The following TMEM165 variants were observed in gnomAD, a reference collection of about 807,000 sequenced individuals.
TMEM165 encodes putative divalent cation/proton antiporter TMEM165.
Under a neutral mutation model 30.0 loss-of-function variants are expected in TMEM165, and 19 were observed. The ratio of observed to expected loss-of-function variants is 0.63; its 90% CI spans 0.44 to 0.93. The LOEUF (loss-of-function observed/expected upper bound fraction) is 0.93, where lower values mean the gene tolerates loss of function less well. TMEM165 is among the 40% of genes least tolerant of loss of function. TMEM165 has a pLI of 0.00. For synonymous variants in TMEM165, 168 were observed against 162.9 expected, an observed-to-expected ratio of 1.03 and a Z score of -0.24; for missense variants, 340 against 417.0, an observed-to-expected ratio of 0.82 and a Z score of 1.61.
intron 3 of TMEM165, 68 bp from the exon 4 acceptor site, chr4:55,417,735 C>A: frequency 7.9e-7 from 1 of 1,273,502 alleles, no homozygotes; most frequent in South Asian, 1.6e-5. Flanking sequence ...TTAGAAAAGT[C>A]AAGTGATTTG....
chr4:55,405,022 C>G (rs563197940), intron 1 of TMEM165, among the ~76,000 whole-genome samples: 1 of 152,258 alleles, frequency 6.6e-6, no homozygotes, highest in African/African-American at 2.4e-5. Flanking sequence ...CTGCCTGGCT[C>G]GAAATATCTA....
chr4:55,406,819 C>T (rs1721289465), intron 1 of TMEM165, among the ~76,000 whole-genome samples: 1 of 151,854 alleles, frequency 6.6e-6, no homozygotes, highest in East Asian at 1.9e-4. Context: ...TGTGCCACCA[C>T]ACCCAGCTAC....
intron 2 of TMEM165, among the ~76,000 whole-genome samples, chr4:55,414,533 C>T (rs913952131): frequency 6.6e-6 from 1 of 152,024 alleles, no homozygotes; most frequent in African/African-American, 2.4e-5. Context: ...ATTTGTTGCA[C>T]TCATCAACCC....
chr4:55,406,366 C>T (rs576272418), intron 1 of TMEM165, among the ~76,000 whole-genome samples: 1 of 152,278 alleles, frequency 6.6e-6, no homozygotes, highest in East Asian at 1.9e-4. Context: ...GTCTCTTTTC[C>T]TTTTTTGTAT....
chr4:55,404,611 T>A (rs480531), intron 1 of TMEM165, among the ~76,000 whole-genome samples: 106,199 of 149,606 alleles, frequency 0.71, 39,918 homozygotes, highest in East Asian at 0.98. Context: ...ATTTTATTTT[T>A]TTTTTTTGTG....
intron 1 of TMEM165, among the ~76,000 whole-genome samples, chr4:55,409,313 A>G (rs1011106387): frequency 3.9e-5 from 6 of 152,186 alleles, no homozygotes; most frequent in African/African-American, 1.4e-4. Context: ...CATGCACACT[A>G]AGAATTTATG....
chr4:55,420,098 G>GAAAA (rs370641089), intron 4 of TMEM165, among the ~76,000 whole-genome samples: 82 of 43,640 alleles, frequency 1.9e-3, no homozygotes, highest in Middle Eastern at 0.017. Context: ...ACTATCTTAA[G>GAAAA]AAAAAAAAAT....
In TMEM165 at chr4:55,395,965, T is replaced by G; in HGVS notation, c.-225T>G. 1 of 370,370 alleles carries G rather than the reference T, an allele frequency of 2.7e-6. No individual in the cohort carries two copies. The highest frequency in any genetic ancestry group is 4.7e-6 in the Non-Finnish European group (1 of 211,798). The allele number at this position is 370,370 out of a possible 1,614,324, so 22.9% of individuals were successfully genotyped here. On this transcript the variant is annotated 5_prime_UTR_variant, in exon 1 of 6. Coordinates refer to ENST00000381334, the MANE Select transcript of TMEM165 (RefSeq NM_018475.5). ...CGCCGAGGCAGCTGGCTGACTCCAGTTTAGCCGCCGCCGGAGAGGACGGGC... is the reference window on the plus strand; with the variant it reads ...CGCCGAGGCAGCTGGCTGACTCCAGGTTAGCCGCCGCCGGAGAGGACGGGC...
intron 3 of TMEM165, chr4:55,435,506 T>C (rs774636052): frequency 1.9e-6 from 3 of 1,613,954 alleles, no homozygotes; most frequent in Admixed American, 3.3e-5. Flanking sequence ...TTGCTGGTGA[T>C]GTGACTGAGG....
chr4:55,430,506 CTG>C (rs1025917146), downstream of TMEM165: 79 of 152,298 alleles, frequency 5.2e-4, no homozygotes, highest in African/African-American at 1.9e-3. Flanking sequence ...TCCTGAATAA[CTG>C]TGCCAACAAA....
downstream of TMEM165, among the ~76,000 whole-genome samples, chr4:55,427,655 A>G (rs1029076441): frequency 2.6e-5 from 4 of 152,012 alleles, no homozygotes; most frequent in East Asian, 7.7e-4. Context: ...GTTTTTTCTA[A>G]TAACAACAGA....
exon 4 of TMEM165, chr4:55,453,098 CTCG>C: frequency 1.2e-6 from 2 of 1,612,802 alleles, no homozygotes; most frequent in South Asian, 1.1e-5. Flanking sequence ...ATGCCAAGTT[CTCG>C]TCGTCTTTCA....
intron 1 of TMEM165, among the ~76,000 whole-genome samples, chr4:55,400,524 G>T (rs1720954649): frequency 6.8e-6 from 1 of 147,780 alleles, no homozygotes; most frequent in Non-Finnish European, 1.5e-5. Flanking sequence ...TGCAAGGTCT[G>T]CCTTCCAGGC....
intron 2 of TMEM165, among the ~76,000 whole-genome samples, chr4:55,414,835 C>T (rs2109547906): frequency 6.6e-6 from 1 of 152,188 alleles, no homozygotes; most frequent in East Asian, 1.9e-4. Context: ...CTGATGTTTC[C>T]TGATGGTTAG....
At chr4:55,412,880 T>A (rs1186648451) in intron 2 of TMEM165, 1 of 152,126 alleles carries the variant, frequency 6.6e-6, no homozygotes, top group Non-Finnish European at 1.5e-5. Flanking sequence ...GTTATAGTTA[T>A]TAGTACTCAA....
chr4:55,449,499 G>A (rs572381407), intron 3 of TMEM165: 1 of 1,611,608 alleles, frequency 6.2e-7, no homozygotes, highest in African/African-American at 1.3e-5. Context: ...TGGTGTTGCT[G>A]AAGTCAACAA....
At chr4:55,446,568 G>A (rs1361570579) in intron 3 of TMEM165, among the ~76,000 whole-genome samples, 1 of 151,990 alleles carries the variant, frequency 6.6e-6, no homozygotes, top group Non-Finnish European at 1.5e-5. Flanking sequence ...ATAGAACATG[G>A]GCTTTTAAAG....
At chr4:55,438,273 G>A in intron 3 of TMEM165, 1 of 1,614,050 alleles carries the variant, frequency 6.2e-7, no homozygotes, top group Non-Finnish European at 8.5e-7. Context: ...TCCCCATGGG[G>A]AGAATTACCT....
intron 3 of TMEM165, among the ~76,000 whole-genome samples, chr4:55,451,843 T>C (rs1054048646): frequency 1.3e-5 from 2 of 152,180 alleles, no homozygotes; most frequent in Admixed American, 6.5e-5. Flanking sequence ...TCACGTGGGA[T>C]CCATGAAAGC....
Sources: allele counts gnomAD v4.1 joint callset (sites outside exome capture counted in the v4.1 genomes callset), GRCh38; gene constraint gnomAD v4.1.1; transcripts MANE v1.5; gene names NCBI Gene and HGNC (gene_info 2026-07-23, HGNC 2026-07-21).